Variants in COL4A3 observed in about 807,000 individuals in gnomAD.
The protein encoded by COL4A3 is collagen type IV alpha 3 chain.
A neutral mutation model predicts 217.4 loss-of-function variants in COL4A3; 135 were observed. The ratio of observed to expected loss-of-function variants is 0.62; its 90% CI spans 0.54 to 0.72. The LOEUF is 0.72. Among genes scored for constraint, COL4A3 ranks in the 30% least tolerant of loss-of-function variants. The pLI, the probability that COL4A3 is intolerant of heterozygous loss-of-function variation, is 0.00. For synonymous variants in COL4A3, 690 were observed against 736.3 expected (o/e 0.94, Z 1.02); for missense variants, 1,868 against 2,119.9 (o/e 0.88, Z 2.33).
chr2:227,279,928 G>A, intron 29 of COL4A3, 38 bp downstream of exon 29: 1 of 1,480,598 alleles, frequency 6.8e-7, no homozygotes, highest in Non-Finnish European at 9.3e-7. Flanking sequence ...AGAGAGGGTG[G>A]GTGACCATTA....
intron 20 of COL4A3, among the ~76,000 whole-genome samples, chr2:227,262,887 T>C (rs2070676982): frequency 6.6e-6 from 1 of 152,186 alleles, no homozygotes; most frequent in Non-Finnish European, 1.5e-5. Flanking sequence ...GTAGGGTGAC[T>C]ATAGTTAACA....
At chr2:227,238,471 C>G (rs765160482) in intron 2 of COL4A3, among the ~76,000 whole-genome samples, 7 of 152,134 alleles carry the variant, frequency 4.6e-5, no homozygotes, top group Non-Finnish European at 8.8e-5. Flanking sequence ...AATCCCACAG[C>G]AGCACACTGG....
intron 1 of COL4A3, among the ~76,000 whole-genome samples, chr2:227,200,628 A>G (rs905695660): frequency 6.6e-6 from 1 of 152,156 alleles, no homozygotes; most frequent in Non-Finnish European, 1.5e-5. Context: ...TTCATAGCTG[A>G]CTCTTCAGCA....
At chr2:227,197,214 G>A (rs893619008) in intron 1 of COL4A3, among the ~76,000 whole-genome samples, 1,615 of 152,004 alleles carry the variant, frequency 0.011, 32 homozygotes, top group African/African-American at 0.038. Flanking sequence ...GTTTTGTTTT[G>A]TTTTGTTTGT....
rs2073716969 is a variant in COL4A3, at chr2:227,310,897, C to A, written c.4877C>A (p.Ser1626Ter). The change falls in exon 51 of 52, where the codon TCA becomes TAA. Residue 1626 changes from serine to a stop codon, truncating the protein, a stop_gained. Coordinates refer to ENST00000396578, the MANE Select transcript of COL4A3 (RefSeq NM_000091.5). LOFTEE classifies it high-confidence loss of function. The stretch of plus-strand genomic sequence containing the variant: ...GGAAGAGGAACGTGCAACTACTATT[C>A]AAATTCCTACAGTTTCTGGCTGGCT... Reference protein sequence around the residue: ...CHGRGTCNYYSNSYSFWLASL... With the variant: ...CHGRGTCNYY 6.2e-7 allele frequency: 1 copy of A among 1,613,940 alleles called. No homozygotes were observed. The highest frequency in any genetic ancestry group is 8.5e-7 in the Non-Finnish European group (1 of 1,180,022).
chr2:227,236,174 T>G (rs1383889723), intron 1 of COL4A3, among the ~76,000 whole-genome samples: 1 of 152,224 alleles, frequency 6.6e-6, no homozygotes, highest in East Asian at 1.9e-4. Flanking sequence ...GGTTCCAGAT[T>G]TTTGCAATTG....
chr2:227,233,451 C>G (rs1559850469), intron 1 of COL4A3, among the ~76,000 whole-genome samples: 1 of 152,128 alleles, frequency 6.6e-6, no homozygotes, highest in East Asian at 1.9e-4. Context: ...CAACCTGGAC[C>G]CTGTCTCACT....
chr2:227,277,325 A>G (rs1295005639), intron 27 of COL4A3, 124 bp from the exon 28 acceptor site: 28 of 47,470 alleles, frequency 5.9e-4, no homozygotes, highest in Non-Finnish European at 8.4e-4. Flanking sequence ...TCAACAGGAA[A>G]AAAAAAAAAA....
intron 1 of COL4A3, among the ~76,000 whole-genome samples, chr2:227,181,787 T>C (rs1382351337): frequency 6.6e-6 from 1 of 152,210 alleles, no homozygotes; most frequent in Non-Finnish European, 1.5e-5. Flanking sequence ...AACAAGGCTA[T>C]GATGATTTTT....
At chr2:227,295,749 C>T (rs558493581) in intron 41 of COL4A3, among the ~76,000 whole-genome samples, 108 of 152,216 alleles carry the variant, frequency 7.1e-4, no homozygotes, top group African/African-American at 2.4e-3. Context: ...ATCCAGCTTG[C>T]GGTCCATGCT....
rs1306538437 is a variant in COL4A3 at position 227,276,392 on chromosome 2, G to A, written c.1935G>A (p.Arg645=). ...ACCACAAATTTCCTTAAGGCCCTAG[G>A]GGAGAGCTCAGTGTTTCAACACCAG... is the stretch of plus-strand genomic sequence containing the variant. The part of the protein sequence containing the change: ...APGPPGEAGP[R]GELSVSTPVP... The change falls in exon 27 of 52, where the codon AGG becomes AGA. Residue 645 remains arginine (R), a synonymous_variant. Coordinates refer to ENST00000396578, the MANE Select transcript of COL4A3 (RefSeq NM_000091.5). 5 of 1,613,846 alleles carry A rather than the reference G, an allele frequency of 3.1e-6. No homozygotes were observed. The highest frequency in any genetic ancestry group is 4.2e-6 in the Non-Finnish European group (5 of 1,179,756).
At chr2:227,280,611 A>G in intron 30 of COL4A3, 21 bp downstream of exon 30, 1 of 1,613,386 alleles carries the variant, frequency 6.2e-7, no homozygotes, top group Non-Finnish European at 8.5e-7. Context: ...AAGTGTCATT[A>G]CTTTTCTCCA....
At chr2:227,242,837 C>T (rs78012299) in intron 3 of COL4A3, among the ~76,000 whole-genome samples, 74 of 152,278 alleles carry the variant, frequency 4.9e-4, no homozygotes, top group African/African-American at 1.7e-3. Context: ...ATGTAAAATG[C>T]AAAATCTTGC....
chr2:227,255,493 T>C (rs2070100983), intron 15 of COL4A3, among the ~76,000 whole-genome samples: 1 of 152,190 alleles, frequency 6.6e-6, no homozygotes, highest in South Asian at 2.1e-4. Flanking sequence ...AAATATTCAA[T>C]GAACATGATT....
intron 1 of COL4A3, among the ~76,000 whole-genome samples, chr2:227,227,044 C>T (rs1052179266): frequency 1.3e-5 from 2 of 152,186 alleles, no homozygotes; most frequent in Non-Finnish European, 2.9e-5. Context: ...TGTTATTTCT[C>T]TCTTAATTTT....
chr2:227,169,161 A>T (rs1448737354), intron 1 of COL4A3: 3 of 150,156 alleles, frequency 2.0e-5, no homozygotes, highest in Non-Finnish European at 4.4e-5. Context: ...TGTTCTTGCG[A>T]TAGTTTACTG....
chr2:227,276,578 T>C, intron 27 of COL4A3, 101 bp downstream of exon 27: 1 of 889,080 alleles, frequency 1.1e-6, no homozygotes, highest in Non-Finnish European at 1.8e-6. Context: ...AAAAATGTAT[T>C]CATTGGCTCC....
intron 1 of COL4A3, among the ~76,000 whole-genome samples, chr2:227,190,641 C>G (rs568545103): frequency 6.6e-6 from 1 of 152,170 alleles, no homozygotes; most frequent in African/African-American, 2.4e-5. Flanking sequence ...GTCTGGGCAT[C>G]GTGGCTCTAA....
At chr2:227,208,747 A>T (rs886979696) in intron 1 of COL4A3, among the ~76,000 whole-genome samples, 2 of 148,642 alleles carry the variant, frequency 1.3e-5, no homozygotes, top group Non-Finnish European at 3.0e-5. Context: ...AGAAAGGTGA[A>T]CCCATTAGGC....
Sources: allele counts gnomAD v4.1 joint callset (sites outside exome capture counted in the v4.1 genomes callset), GRCh38; gene constraint gnomAD v4.1.1; transcripts MANE v1.5; gene names NCBI Gene and HGNC (gene_info 2026-07-23, HGNC 2026-07-21).